PDHX: variants seen among roughly 807,000 people sequenced by gnomAD.
The protein encoded by PDHX is pyruvate dehydrogenase protein X component, mitochondrial.
A neutral mutation model predicts 55.3 loss-of-function variants in PDHX; 33 were observed. The ratio of observed to expected loss-of-function variants is 0.60; its 90% CI spans 0.45 to 0.80. The LOEUF (loss-of-function observed/expected upper bound fraction) is 0.80, where lower values mean the gene tolerates loss of function less well. PDHX is among the 30% of genes least tolerant of loss of function. PDHX has a pLI of 0.00. For missense variants in PDHX, 622 were observed against 619.9 expected (o/e 1.00, Z -0.04); for synonymous variants, 226 against 219.4 (o/e 1.03, Z -0.27).
intron 8 of PDHX, among the ~76,000 whole-genome samples, chr11:34,983,460 A>G (rs1004180771): frequency 6.6e-5 from 10 of 152,204 alleles, no homozygotes; most frequent in African/African-American, 1.9e-4. Flanking sequence ...AGGGTATTCA[A>G]TTAGGAAAAG....
At chr11:34,970,805 A>G (rs1165887220) in intron 7 of PDHX, among the ~76,000 whole-genome samples, 1 of 152,244 alleles carries the variant, frequency 6.6e-6, no homozygotes, top group Admixed American at 6.5e-5. Flanking sequence ...GTAATATTAC[A>G]AAATCTGAAT....
Position 34,995,963 on chromosome 11 carries a change from T to C in PDHX, c.*791T>C, listed in dbSNP as rs1424769145. On this transcript the variant is annotated 3_prime_UTR_variant, in exon 11 of 11. Transcript: ENST00000227868. Reference sequence around the variant, plus strand: ...ATATATTTAAATAAATTGTGTTATCTCTTGCCAAACATTTTGTTAGTGTTT... The same window carrying C: ...ATATATTTAAATAAATTGTGTTATCCCTTGCCAAACATTTTGTTAGTGTTT... 4 of 152,234 alleles carry C rather than the reference T, an allele frequency of 2.6e-5. No individual in the cohort carries two copies. Among genetic ancestry groups the C allele is most frequent in the Non-Finnish European group, 2.9e-5 (2 of 68,016 alleles). The allele number at this position is 152,234 out of a possible 1,614,324, so 9.4% of individuals were successfully genotyped here. A position where few individuals can be genotyped will look rare whatever the true frequency, so the allele number is the denominator to read the frequency against.
intron 8 of PDHX, 45 bp from the exon 9 acceptor site, chr11:34,984,525 T>G (rs1203809842): frequency 6.4e-7 from 1 of 1,564,356 alleles, no homozygotes; most frequent in Non-Finnish European, 8.8e-7. Flanking sequence ...ACCGCCTTGG[T>G]CTAAAGCTGC....
chr11:34,969,068 A>C (rs1002409297), intron 6 of PDHX, among the ~76,000 whole-genome samples: 1 of 152,192 alleles, frequency 6.6e-6, no homozygotes, highest in Non-Finnish European at 1.5e-5. Flanking sequence ...TGTGATCATC[A>C]GGGCAAACAA....
intron 3 of PDHX, among the ~76,000 whole-genome samples, chr11:34,949,334 G>T (rs1254390067): frequency 6.6e-6 from 1 of 152,114 alleles, no homozygotes; most frequent in Non-Finnish European, 1.5e-5. Flanking sequence ...CCGCCTCCTG[G>T]GTTGAAATGA....
intron 3 of PDHX, among the ~76,000 whole-genome samples, chr11:34,955,203 A>G (rs934986259): frequency 3.3e-5 from 5 of 152,162 alleles, no homozygotes; most frequent in Admixed American, 2.6e-4. Flanking sequence ...ATGAGCTACC[A>G]TGGAGGTAGC....
intron 8 of PDHX, among the ~76,000 whole-genome samples, chr11:34,980,164 T>A (rs1051722330): frequency 6.6e-6 from 1 of 151,578 alleles, no homozygotes. Flanking sequence ...TTGTTTCTTA[T>A]AATTATTTTA....
In PDHX at chr11:34,958,295, TA is replaced by T. The variant is rs1217395600; in HGVS notation, c.542+713del. Among the ~76,000 whole-genome samples the T allele has an allele frequency of 4.6e-5, 7 of 152,184 alleles. No individual in the cohort carries two copies. In the South Asian group the frequency reaches 1.0e-3, roughly 23 times the overall value. On this transcript the variant is annotated intron_variant, in intron 4 of 10. Transcript: ENST00000227868. ...AGAAAAGAATCCACAGTGCTTTTTT[TA>T]GGGGGGGGCGTGCGGAGGTGGGTGA...
chr11:34,918,613 G>T lies in PDHX; in HGVS notation c.160+1798G>T, dbSNP rs563715513. Reference sequence around the variant, plus strand: ...TTGAATACCATCTGTCAGGAAGAAGGCATGGCATCTCAAGGAAAGCCAAAT... The same window carrying T: ...TTGAATACCATCTGTCAGGAAGAAGTCATGGCATCTCAAGGAAAGCCAAAT... On this transcript the variant is annotated intron_variant, in intron 1 of 10. Coordinates refer to ENST00000227868, the MANE Select transcript of PDHX (RefSeq NM_003477.3). Among the ~76,000 whole-genome samples, 5 of 152,274 alleles carry T rather than the reference G, an allele frequency of 3.3e-5. No homozygotes were observed. In the South Asian group the frequency reaches 1.0e-3, roughly 32 times the overall value.
At chr11:34,972,491 G>A (rs912427512) in intron 7 of PDHX, among the ~76,000 whole-genome samples, 1 of 151,416 alleles carries the variant, frequency 6.6e-6, no homozygotes, top group African/African-American at 2.4e-5. Context: ...ACCGCCTCCT[G>A]GGTTCAAATG....
chr11:34,951,821 A>G (rs1174348865), intron 3 of PDHX, among the ~76,000 whole-genome samples: 1 of 152,076 alleles, frequency 6.6e-6, no homozygotes, highest in Non-Finnish European at 1.5e-5. Context: ...TAGGGTTTTT[A>G]TGGTTTTAGG....
At chr11:34,943,197 A>ACT (rs1854532650) in intron 2 of PDHX, among the ~76,000 whole-genome samples, 1 of 152,196 alleles carries the variant, frequency 6.6e-6, no homozygotes, top group Non-Finnish European at 1.5e-5. Flanking sequence ...TAAATAGAGG[A>ACT]AATCACAATT....
At position 34,916,729 on chromosome 11, in the gene PDHX, G is replaced by A. The variant is rs1331520530; in HGVS notation, c.74G>A (p.Ser25Asn). The change falls in exon 1 of 11, where the codon AGC becomes AAC. Residue 25 changes from serine to asparagine, a missense_variant. By Grantham distance (46) the Ser-to-Asn change is conservative. Transcript: ENST00000227868. ...CTTGTGGGCTTCCCCGGCCGCCGAAGCGTAGGGCTGGTGAAGGGGGCTCTT... is the reference window on the plus strand; with the variant it reads ...CTTGTGGGCTTCCCCGGCCGCCGAAACGTAGGGCTGGTGAAGGGGGCTCTT... ...RYLVGFPGRR[S>N]VGLVKGALGW... 1.9e-6 allele frequency: 3 copies of A among 1,613,402 alleles called. No individual in the cohort carries two copies. Among genetic ancestry groups the A allele is most frequent in the African/African-American group, 2.7e-5 (2 of 74,922 alleles).
chr11:34,964,296 T>A (rs1408856427), intron 5 of PDHX, among the ~76,000 whole-genome samples: 1 of 152,130 alleles, frequency 6.6e-6, no homozygotes, highest in East Asian at 1.9e-4. Flanking sequence ...TTCATAGGTA[T>A]GTAAGTATAA....
chr11:34,981,913 A>T (rs1403151155), intron 8 of PDHX, among the ~76,000 whole-genome samples: 4 of 152,168 alleles, frequency 2.6e-5, no homozygotes, highest in African/African-American at 4.8e-5. Flanking sequence ...CCTTTGTCAG[A>T]TGAGTAGATT....
intron 3 of PDHX, among the ~76,000 whole-genome samples, chr11:34,951,134 G>A (rs1434366832): frequency 2.2e-5 from 3 of 139,296 alleles, no homozygotes; most frequent in African/African-American, 5.5e-5. Context: ...TCGGCTCACT[G>A]CAAGCTCCGC....
intron 3 of PDHX, 101 bp downstream of exon 3, chr11:34,947,707 T>C (rs1854657820): frequency 8.7e-6 from 7 of 803,030 alleles, no homozygotes; most frequent in Admixed American, 1.8e-5. Flanking sequence ...TTATTTTTAA[T>C]GTGTATTGTC....
At chr11:34,975,008 C>T (rs535835127) in intron 7 of PDHX, among the ~76,000 whole-genome samples, 36 of 152,204 alleles carry the variant, frequency 2.4e-4, no homozygotes, top group African/African-American at 8.7e-4. Flanking sequence ...ATGGATATAT[C>T]TTTATCATTT....
intron 2 of PDHX, among the ~76,000 whole-genome samples, chr11:34,946,202 T>C (rs183247716): frequency 1.2e-4 from 19 of 152,330 alleles, no homozygotes; most frequent in Admixed American, 3.9e-4. Flanking sequence ...CTAGAATATA[T>C]TCTGTTGTTT....
Sources: gnomAD v4.1 joint callset for allele counts (sites outside exome capture counted in the v4.1 genomes callset) on GRCh38, gnomAD v4.1.1 for gene constraint, MANE v1.5 for transcripts, NCBI Gene and HGNC (gene_info 2026-07-23, HGNC 2026-07-21) for gene names.